The following COL11A2 variants were observed in gnomAD, a reference collection of about 807,000 sequenced individuals.
COL11A2 encodes the protein collagen alpha-2(XI) chain.
In COL11A2, 116 loss-of-function variants were observed where a neutral mutation model predicts 273.4. The ratio of observed to expected loss-of-function variants is 0.42; its 90% CI spans 0.36 to 0.49. The LOEUF is 0.49. COL11A2 is among the 20% of genes least tolerant of loss of function. The pLI is 0.00. For missense variants in COL11A2, 1,866 were observed against 2,309.0 expected (o/e 0.81, Z 3.93); for synonymous variants, 782 against 864.2 (o/e 0.90, Z 1.67).
At position 33,178,327 on chromosome 6, in the gene COL11A2, C is replaced by G. The variant is rs763854550; in HGVS notation, c.1799G>C (p.Arg600Pro). The G allele has an allele frequency of 6.2e-7, 1 of 1,612,944 alleles. No individual in the cohort carries two copies. Among genetic ancestry groups the G allele is most frequent in the South Asian group, 1.1e-5 (1 of 91,082 alleles). ...ERGDDGEIGP[R>P]GLPGESGPRG... is the part of the protein sequence containing the mutation. Reference sequence around the variant, plus strand: ...ACTCACCGACTCTCCAGGCAGCCCTCGAGGCCCAATCTCCCCGTCATCTCC... The same window carrying G: ...ACTCACCGACTCTCCAGGCAGCCCTGGAGGCCCAATCTCCCCGTCATCTCC... Residue 600 changes from arginine (R) to proline (P), a missense_variant, in exon 20 of 66, where the codon CGA (arginine) becomes CCA (proline). Physicochemically the swap from Arg to Pro is moderately radical, Grantham distance 103 (BLOSUM62 -2). Transcript: ENST00000341947. The surrounding 1 kb of genome is among the most constrained non-coding windows in gnomAD (Gnocchi z 4.6).
Position 33,166,356 on chromosome 6 carries a change from G to T in COL11A2, c.4393-150C>A. 2 of 1,269,550 alleles carry T rather than the reference G, an allele frequency of 1.6e-6. No homozygotes were observed. The highest frequency in any genetic ancestry group is 2.2e-6 in the Non-Finnish European group (2 of 913,352). The allele number at this position is 1,269,550 out of a possible 1,614,324, so 78.6% of individuals were successfully genotyped here. The stretch of plus-strand genomic sequence containing the variant: ...GAATACTAGGACATTCAGAGCCCTG[G>T]AAGTATGGGGAGGAGGTACTGGTGG... On this transcript the variant is annotated intron_variant, in intron 60 of 65. Transcript: ENST00000341947. This position sits in a 1 kb window ranked among gnomAD's most constrained non-coding sequence, Gnocchi z 4.8.
At position 33,185,885 on chromosome 6, in the gene COL11A2, G is replaced by C. The variant is rs1219165840; in HGVS notation, c.799-107C>G. ...AAAGATGGTGTGGGAGTTGGGAAACGGGGGAGGTGTGGAGTTGGGAAACAG... is the reference window on the plus strand; with the variant it reads ...AAAGATGGTGTGGGAGTTGGGAAACCGGGGAGGTGTGGAGTTGGGAAACAG... On this transcript the variant is annotated intron_variant, in intron 5 of 65. Coordinates refer to ENST00000341947, the MANE Select transcript of COL11A2 (RefSeq NM_080680.3). 1.1e-5 allele frequency: 5 copies of C among 443,534 alleles called. No individual in the cohort carries two copies. The East Asian group carries it at 2.9e-4, about 26-fold the overall frequency. The allele number at this position is 443,534 out of a possible 1,614,324, so 27.5% of individuals were successfully genotyped here.
chr6:33,184,055 A>T (rs1772051958), intron 8 of COL11A2, 90 bp downstream of exon 8: 2 of 1,165,730 alleles, frequency 1.7e-6, no homozygotes, highest in Admixed American at 3.9e-5. Flanking sequence ...AATAGCTCAC[A>T]GCCAACAGCC....
In COL11A2 at chr6:33,172,521, C is replaced by T. The variant is rs991415860; in HGVS notation, c.2898+9G>A. ...CCCCCACTTCCCCTCTGCCTGGCCC[C>T]TCACTGACCTTTGTTCCTTCTTTTC... is the stretch of plus-strand genomic sequence containing the variant. On this transcript the variant is annotated intron_variant, in intron 39 of 65. Coordinates refer to ENST00000341947, the MANE Select transcript of COL11A2 (RefSeq NM_080680.3). 3 of 1,612,192 alleles carry T rather than the reference C, an allele frequency of 1.9e-6. No individual in the cohort carries two copies. Among genetic ancestry groups the T allele is most frequent in the Non-Finnish European group, 2.5e-6 (3 of 1,179,380 alleles).
At chr6:33,174,325 C>A in intron 31 of COL11A2, 107 bp from the exon 32 acceptor site, 3 of 1,472,374 alleles carry the variant, frequency 2.0e-6, no homozygotes, top group Non-Finnish European at 2.8e-6. Flanking sequence ...CAGGGAGACC[C>A]GAGCTCTGCC....
rs1769964015 is a variant in COL11A2 at position 33,170,981 on chromosome 6, A to G, written c.3367-64T>C. The G allele has an allele frequency of 6.3e-7, 1 of 1,587,938 alleles. No homozygotes were observed. The highest frequency in any genetic ancestry group is 1.1e-5 in the South Asian group (1 of 90,542). On this transcript the variant is annotated intron_variant, in intron 45 of 65. Coordinates refer to ENST00000341947, the MANE Select transcript of COL11A2 (RefSeq NM_080680.3). The surrounding 1 kb of genome is among the most constrained non-coding windows in gnomAD (Gnocchi z 4.3). Reference sequence around the variant, plus strand: ...ATGGGTCATGGGTCAGGTGTTCTCTATCCACAAATACCACACACAGCTGGG... The same window carrying G: ...ATGGGTCATGGGTCAGGTGTTCTCTGTCCACAAATACCACACACAGCTGGG...
In COL11A2 at chr6:33,168,582, G is replaced by A; in HGVS notation, c.3907-10C>T. ...TGGGACCAGGGGATCCCTAGGGAGA[G>A]AGGAATTGGGGTGGCTGAGTGTTTA... On this transcript the variant is annotated splice_polypyrimidine_tract_variant and intron_variant, in intron 53 of 65. Transcript: ENST00000341947. The A allele has an allele frequency of 6.2e-7, 1 of 1,613,552 alleles. No homozygotes were observed. The highest frequency in any genetic ancestry group is 1.1e-5 in the South Asian group (1 of 91,024).
In COL11A2 at chr6:33,166,903, G is replaced by A; in HGVS notation, c.4231-76C>T. 6.5e-7 allele frequency: 1 copy of A among 1,545,548 alleles called. No individual in the cohort carries two copies. Among genetic ancestry groups the A allele is most frequent in the Non-Finnish European group, 8.8e-7 (1 of 1,130,644 alleles). ...TGGGGGAGAAGGGCCAAGAGGACATGGAGAGGGAGCCGGGCACAGGGTCCG... is the reference window on the plus strand; with the variant it reads ...TGGGGGAGAAGGGCCAAGAGGACATAGAGAGGGAGCCGGGCACAGGGTCCG... On this transcript the variant is annotated intron_variant, in intron 58 of 65. Transcript: ENST00000341947. This position sits in a 1 kb window ranked among gnomAD's most constrained non-coding sequence, Gnocchi z 4.8.
At chr6:33,188,908 G>A in intron 3 of COL11A2, 70 bp downstream of exon 3, 4 of 1,530,738 alleles carry the variant, frequency 2.6e-6, no homozygotes, top group Non-Finnish European at 2.7e-6. Context: ...ACAGTTTAGA[G>A]TGTAGGGGTT....
chr6:33,192,626 C>A, upstream of COL11A2: 1 of 356,454 alleles, frequency 2.8e-6, no homozygotes, highest in South Asian at 2.7e-5. Context: ...CTCGCTCTCT[C>A]CTGCCCCTTG....
rs55730247 is a variant in COL11A2, at chr6:33,174,151, AC to A, written c.2484+13del. 137,381 of 1,577,118 alleles carry A rather than the reference AC, an allele frequency of 0.087. 10,475 individuals carry two copies. The highest frequency in any genetic ancestry group is 0.52 in the East Asian group (22,329 of 42,850). ...AGCCCTTCCCTTCTCACGCCCTCCC[AC>A]CCCCCAGCTTACCCGGGCTCCCTTC... On this transcript the variant is annotated intron_variant, in intron 32 of 65. Transcript: ENST00000341947.
chr6:33,186,518 G>A, intron 5 of COL11A2, 109 bp downstream of exon 5: 3 of 1,583,846 alleles, frequency 1.9e-6, no homozygotes, highest in Non-Finnish European at 2.6e-6. Context: ...AGGAGGGGGT[G>A]ATGGGAATAG....
chr6:33,183,010 G>A (rs1204053026), intron 8 of COL11A2, among the ~76,000 whole-genome samples: 24 of 152,104 alleles, frequency 1.6e-4, no homozygotes, highest in Non-Finnish European at 1.5e-5. Context: ...CCAGAGAGCA[G>A]CATAAAGGAA....
upstream of COL11A2, chr6:33,192,558 G>A (rs1337761034): frequency 2.0e-6 from 1 of 489,202 alleles, no homozygotes; most frequent in African/African-American, 2.1e-5. Context: ...AGCCACCGAA[G>A]GGAAACCCCA....
At chr6:33,175,279 C>G (rs1380218654) in intron 30 of COL11A2, among the ~76,000 whole-genome samples, 1 of 152,154 alleles carries the variant, frequency 6.6e-6, no homozygotes, top group Non-Finnish European at 1.5e-5. Context: ...ACTCTCTCAT[C>G]TCAGAACTCC....
Position 33,177,812 on chromosome 6 carries a change from A to C in COL11A2, c.1873-106T>G, listed in dbSNP as rs999252385. ...GGTGTGACGGTCAGACCTCCAATCC[A>C]TCCCAAACCCAAGCAAACACAGCTG... is the stretch of plus-strand genomic sequence containing the variant. On this transcript the variant is annotated intron_variant, in intron 21 of 65. Coordinates refer to ENST00000341947, the MANE Select transcript of COL11A2 (RefSeq NM_080680.3). The surrounding 1 kb of genome is among the most constrained non-coding windows in gnomAD (Gnocchi z 5.9). 7.9e-7 allele frequency: 1 copy of C among 1,271,492 alleles called. No homozygotes were observed. Among genetic ancestry groups the C allele is most frequent in the Non-Finnish European group, 1.1e-6 (1 of 883,444 alleles). 78.8% of individuals were successfully genotyped at this position (1,271,492 alleles called of 1,614,324 possible). A position where few individuals can be genotyped will look rare whatever the true frequency, so the allele number is the denominator to read the frequency against.
At chr6:33,182,535 A>T (rs1050938515) in intron 8 of COL11A2, among the ~76,000 whole-genome samples, 1 of 151,374 alleles carries the variant, frequency 6.6e-6, no homozygotes, top group Non-Finnish European at 1.5e-5. Context: ...AACATGTGAA[A>T]CCCCGTCTCT....
chr6:33,171,555 C>A lies in COL11A2; in HGVS notation c.3170G>T (p.Gly1057Val). 6.2e-7 allele frequency: 1 copy of A among 1,613,966 alleles called. No individual in the cohort carries two copies. The change falls in exon 43 of 66, where the codon GGC becomes GTC. Residue 1057 changes from glycine to valine, a missense_variant. Transcript: ENST00000341947. ...CTGCACTCCATCTCGGCCAGTCGGG[C>A]CAATGGGGCCCTTCTCACCCTGTGG... ...KGVPGEKGPI[G>V]PTGRDGVQGP...
chr6:33,170,515 G>A lies in COL11A2; in HGVS notation c.3528+42C>T. ...GGGTGGGGGCTGGCCAGGGAGGGGG[G>A]TGACTAGTATGGTGGCTAGGGTCAG... On this transcript the variant is annotated intron_variant, in intron 47 of 65. Transcript: ENST00000341947. The surrounding 1 kb of genome is among the most constrained non-coding windows in gnomAD (Gnocchi z 4.3). The A allele has an allele frequency of 1.2e-6, 2 of 1,607,802 alleles. No homozygotes were observed. Among genetic ancestry groups the A allele is most frequent in the South Asian group, 1.1e-5 (1 of 90,860 alleles).
Sources: gnomAD v4.1 joint callset for allele counts (sites outside exome capture counted in the v4.1 genomes callset) on GRCh38, gnomAD v4.1.1 for gene constraint, Gnocchi (gnomAD v3.1) non-coding constraint, MANE v1.5 for transcripts, NCBI Gene and HGNC (gene_info 2026-07-23, HGNC 2026-07-21) for gene names.